The following MRPL15 variants were observed in gnomAD, a reference collection of about 807,000 sequenced individuals.
MRPL15 encodes the protein mitochondrial ribosomal protein L15, also known as large ribosomal subunit protein uL15m.
Under a neutral mutation model 28.0 loss-of-function variants are expected in MRPL15, and 24 were observed. The ratio of observed to expected loss-of-function variants is 0.86; its 90% CI spans 0.62 to 1.21. MRPL15 has a LOEUF of 1.21. Among genes scored for constraint, MRPL15 ranks in the 50% most tolerant of loss-of-function variants. The pLI is 0.00. For synonymous variants in MRPL15, 124 were observed against 137.0 expected, an observed-to-expected ratio of 0.90 and a Z score of 0.66; for missense variants, 343 against 372.4, an observed-to-expected ratio of 0.92 and a Z score of 0.65.
intron 3 of MRPL15, among the ~76,000 whole-genome samples, chr8:54,138,316 T>TA (rs1169016824): frequency 1.3e-4 from 18 of 134,280 alleles, no homozygotes; most frequent in African/African-American, 5.6e-4. Flanking sequence ...TTTTTTTTTT[T>TA]TTTTTTTTTT....
chr8:54,147,416 T>A lies in MRPL15; in HGVS notation c.588T>A (p.Arg196=). The change falls in exon 5 of 5, where the codon CGT becomes CGA. Residue 196 remains arginine (R), a synonymous_variant. Coordinates refer to ENST00000260102, the MANE Select transcript of MRPL15 (RefSeq NM_014175.4). The part of the protein sequence containing the change: ...IVCKPVPFFL[R]GQPIPKRMLP... The stretch of plus-strand genomic sequence containing the variant: ...GCAAACCTGTTCCATTCTTTCTTCG[T>A]GGACAACCCATTCCAAAAAGAATGC... 2.5e-6 allele frequency: 4 copies of A among 1,612,896 alleles called. No homozygotes were observed. Among genetic ancestry groups the A allele is most frequent in the Non-Finnish European group, 3.4e-6 (4 of 1,179,280 alleles).
intron 3 of MRPL15, 131 bp from the exon 4 acceptor site, chr8:54,142,532 A>G: frequency 1.9e-6 from 2 of 1,031,992 alleles, no homozygotes; most frequent in South Asian, 1.8e-5. Flanking sequence ...ACCCACAGAT[A>G]TGGAGGACTA....
chr8:54,140,574 C>CTTTTTTTTTTTTT lies in MRPL15; in HGVS notation c.430-2084_430-2072dup, dbSNP rs71551976. On this transcript the variant is annotated intron_variant, in intron 3 of 4. Coordinates refer to ENST00000260102, the MANE Select transcript of MRPL15 (RefSeq NM_014175.4). ...CCGGCCTAGAACTACATTTTCTTTT[C>CTTTTTTTTTTTTT]TTTTTTTTTTTTTTTTTGAGATGGA... 4.9e-3 allele frequency among the ~76,000 whole-genome samples: 486 copies of CTTTTTTTTTTTTT among 99,538 alleles called. 59 individuals carry two copies. Among genetic ancestry groups the CTTTTTTTTTTTTT allele is most frequent in the East Asian group, 0.04 (75 of 1,856 alleles). 65.3% of individuals were successfully genotyped at this position (99,538 alleles called of 152,430 possible).
Position 54,147,451 on chromosome 8 carries a change from A to T in MRPL15, c.623A>T (p.Glu208Val). 1 of 1,614,150 alleles carries T rather than the reference A, an allele frequency of 6.2e-7. No individual in the cohort carries two copies. The highest frequency in any genetic ancestry group is 8.5e-7 in the Non-Finnish European group (1 of 1,179,994). ...ATTCCAAAAAGAATGCTTCCACCAG[A>T]AGAACTGGTACCATATTACACTGAT... ...QPIPKRMLPP[E>V]ELVPYYTDAK... is the part of the protein sequence containing the mutation. The change falls in exon 5 of 5, where the codon GAA becomes GTA. Residue 208 changes from glutamate (E) to valine (V), a missense_variant. Coordinates refer to ENST00000260102, the MANE Select transcript of MRPL15 (RefSeq NM_014175.4).
In MRPL15 at chr8:54,147,631, G is replaced by A; in HGVS notation, c.803G>A (p.Gly268Asp). ...TRKDPRQIFF[G>D]LAPGWVVNMA... ...AAGGATCCAAGGCAGATTTTCTTTG[G>A]TCTTGCTCCAGGATGGGTGGTGAAT... Residue 268 changes from glycine to aspartate, a missense_variant, in exon 5 of 5, where the codon GGT becomes GAT. Physicochemically the swap from Gly to Asp is moderately conservative, Grantham distance 94. Transcript: ENST00000260102. The A allele has an allele frequency of 2.5e-6, 4 of 1,614,158 alleles. No individual in the cohort carries two copies. Among genetic ancestry groups the A allele is most frequent in the Non-Finnish European group, 3.4e-6 (4 of 1,180,020 alleles).
At chr8:54,145,967 G>T (rs1811038438) in intron 4 of MRPL15, among the ~76,000 whole-genome samples, 1 of 152,274 alleles carries the variant, frequency 6.6e-6, no homozygotes, top group Admixed American at 6.5e-5. Context: ...TTCTGTGAGT[G>T]GCCTGCCTGG....
At chr8:54,140,104 C>T (rs1810893441) in intron 3 of MRPL15, among the ~76,000 whole-genome samples, 3 of 152,310 alleles carry the variant, frequency 2.0e-5, no homozygotes, top group African/African-American at 7.2e-5. Flanking sequence ...CTTTCAGCTT[C>T]ATGAAAGCTT....
intron 4 of MRPL15, among the ~76,000 whole-genome samples, chr8:54,143,321 C>T (rs938791360): frequency 1.3e-5 from 2 of 152,142 alleles, no homozygotes; most frequent in African/African-American, 4.8e-5. Context: ...TCAAATGGTC[C>T]ACCCTTCTCA....
intron 4 of MRPL15, among the ~76,000 whole-genome samples, chr8:54,143,359 G>A (rs1810964897): frequency 6.6e-6 from 1 of 152,148 alleles, no homozygotes; most frequent in Admixed American, 6.5e-5. Flanking sequence ...GATTACAGGT[G>A]TGAGCCACCA....
Position 54,136,536 on chromosome 8 carries a change from G to C in MRPL15, c.134G>C (p.Arg45Thr). 1 of 1,614,026 alleles carries C rather than the reference G, an allele frequency of 6.2e-7. No homozygotes were observed. Among genetic ancestry groups the C allele is most frequent in the Non-Finnish European group, 8.5e-7 (1 of 1,179,968 alleles). ...KPERRPRGRRRGRKCGRGHKG... is the reference protein window; with the variant it reads ...KPERRPRGRRTGRKCGRGHKG... ...GAGAGAAGACCAAGAGGTCGGAGAA[G>C]AGGTAGAAAATGTGGCAGAGGCCAT... The change falls in exon 2 of 5, where the codon AGA becomes ACA. Residue 45 changes from arginine (R) to threonine (T), a missense_variant. Arg to Thr is a moderately conservative substitution (Grantham distance 71, BLOSUM62 -1). Coordinates refer to ENST00000260102, the MANE Select transcript of MRPL15 (RefSeq NM_014175.4).
intron 1 of MRPL15, 100 bp from the exon 2 acceptor site, chr8:54,136,411 G>T: frequency 7.7e-7 from 1 of 1,304,788 alleles, no homozygotes; most frequent in Non-Finnish European, 1.1e-6. Context: ...GCTAGCACTG[G>T]TGGGCTGGAT....
chr8:54,141,997 G>A (rs1401932783), intron 3 of MRPL15, among the ~76,000 whole-genome samples: 2 of 151,554 alleles, frequency 1.3e-5, no homozygotes, highest in East Asian at 3.9e-4. Flanking sequence ...GATTACTGGT[G>A]CCTGCCATCA....
chr8:54,142,567 T>G, intron 3 of MRPL15, 96 bp from the exon 4 acceptor site: 1 of 1,446,800 alleles, frequency 6.9e-7, no homozygotes, highest in Non-Finnish European at 9.3e-7. Flanking sequence ...TTATAGGCAC[T>G]TTGGAGGGAA....
At position 54,136,616 on chromosome 8, in the gene MRPL15, A is replaced by G. The variant is rs1272392210; in HGVS notation, c.214A>G (p.Thr72Ala). The change falls in exon 2 of 5, where the codon ACT becomes GCT. Residue 72 changes from threonine to alanine, a missense_variant. Physicochemically the swap from Thr to Ala is moderately conservative, Grantham distance 58. Transcript: ENST00000260102. ...RPRLGFEGGQ[T>A]PFYIRIPKYG... ...CCGCTTGGGCTTTGAGGGAGGCCAG[A>G]CTCCATTTTACATCCGAATCCCAAA... 2 of 1,614,072 alleles carry G rather than the reference A, an allele frequency of 1.2e-6. No homozygotes were observed. The highest frequency in any genetic ancestry group is 1.3e-5 in the African/African-American group (1 of 74,942).
chr8:54,143,919 GTC>G (rs543245766), intron 4 of MRPL15, among the ~76,000 whole-genome samples: 33 of 152,180 alleles, frequency 2.2e-4, no homozygotes, highest in Non-Finnish European at 3.7e-4. Context: ...ACTGTTCCAG[GTC>G]TCTGCTTATT....
rs1033082447 is a variant in MRPL15 at position 54,148,226 on chromosome 8, G to C, written c.*507G>C. On this transcript the variant is annotated 3_prime_UTR_variant, in exon 5 of 5. Transcript: ENST00000260102. ...ACGTATGCTTAAGGTGTAAGGCTGA[G>C]GAGTAGCTGGTAGGCAGTATGTTTG... 6.6e-6 allele frequency among the ~76,000 whole-genome samples: 1 copy of C among 152,230 alleles called. No individual in the cohort carries two copies. Among genetic ancestry groups the C allele is most frequent in the Admixed American group, 6.5e-5 (1 of 15,272 alleles).
rs764246961 is a variant in MRPL15 at position 54,136,700 on chromosome 8, C to G, written c.263+35C>G. 1.1e-5 allele frequency: 17 copies of G among 1,552,630 alleles called. No individual in the cohort carries two copies. The African/African-American group carries it at 2.1e-4, about 19-fold the overall frequency. ...CTTTGCTTTTTAAAGTACAGGTCCC[C>G]AATTTCCATTAAAAAGCACCTAAAA... is the stretch of plus-strand genomic sequence containing the variant. On this transcript the variant is annotated intron_variant, in intron 2 of 4. Coordinates refer to ENST00000260102, the MANE Select transcript of MRPL15 (RefSeq NM_014175.4).
chr8:54,147,425 C>G lies in MRPL15; in HGVS notation c.597C>G (p.Pro199=), dbSNP rs1001804762. 1 of 1,613,746 alleles carries G rather than the reference C, an allele frequency of 6.2e-7. No individual in the cohort carries two copies. The highest frequency in any genetic ancestry group is 1.1e-5 in the South Asian group (1 of 91,044). ...KPVPFFLRGQ[P]IPKRMLPPEE... ...TTCCATTCTTTCTTCGTGGACAACC[C>G]ATTCCAAAAAGAATGCTTCCACCAG... is the stretch of plus-strand genomic sequence containing the variant. Residue 199 remains proline (P), a synonymous_variant, in exon 5 of 5, where the codon CCC becomes CCG. Transcript: ENST00000260102.
intron 3 of MRPL15, among the ~76,000 whole-genome samples, chr8:54,142,262 C>T (rs1810940878): frequency 6.6e-6 from 1 of 152,198 alleles, no homozygotes; most frequent in African/African-American, 2.4e-5. Flanking sequence ...TCAAGCGATT[C>T]TCCCACCTCA....
Sources: gnomAD v4.1 joint callset for allele counts (sites outside exome capture counted in the v4.1 genomes callset) on GRCh38, gnomAD v4.1.1 for gene constraint, MANE v1.5 for transcripts, NCBI Gene and HGNC (gene_info 2026-07-23, HGNC 2026-07-21) for gene names.